VAT1L: variants seen among roughly 807,000 people sequenced by gnomAD.
The protein encoded by VAT1L is putative NADPH-dependent quinone oxidoreductase VAT1L.
VAT1L carries 34 observed loss-of-function variants against 44.1 expected under a neutral mutation model. The ratio of observed to expected loss-of-function variants is 0.77; its 90% CI spans 0.59 to 1.03. The LOEUF is 1.03. Among genes scored for constraint, VAT1L ranks in the 50% least tolerant of loss-of-function variants. VAT1L has a pLI of 0.00. For synonymous variants in VAT1L, 253 were observed against 202.2 expected, an observed-to-expected ratio of 1.25 and a Z score of -2.13; for missense variants, 615 against 538.8, an observed-to-expected ratio of 1.14 and a Z score of -1.40.
At chr16:77,923,377 G>T (rs1469921521) in intron 7 of VAT1L, among the ~76,000 whole-genome samples, 1 of 152,190 alleles carries the variant, frequency 6.6e-6, no homozygotes, top group East Asian at 1.9e-4. Flanking sequence ...TTGAACCCTG[G>T]AGGCAGAGGT....
intron 3 of VAT1L, among the ~76,000 whole-genome samples, chr16:77,841,779 G>A (rs1422184297): frequency 1.3e-5 from 2 of 152,196 alleles, no homozygotes; most frequent in African/African-American, 4.8e-5. Flanking sequence ...GTGGCAAAAT[G>A]CGAGTCTCAA....
intron 6 of VAT1L, among the ~76,000 whole-genome samples, chr16:77,881,781 C>T (rs1454797191): frequency 6.6e-6 from 1 of 152,272 alleles, no homozygotes; most frequent in East Asian, 1.9e-4. Flanking sequence ...AGTGTGTCCC[C>T]TGAAGACAGG....
chr16:77,891,683 A>G (rs933640166), intron 7 of VAT1L, among the ~76,000 whole-genome samples: 9 of 152,248 alleles, frequency 5.9e-5, no homozygotes, highest in Admixed American at 2.6e-4. Context: ...AAACCTGTAC[A>G]GAGATAGACT....
At chr16:77,936,023 G>C (rs1192154521) in intron 7 of VAT1L, among the ~76,000 whole-genome samples, 1 of 152,006 alleles carries the variant, frequency 6.6e-6, no homozygotes, top group African/African-American at 2.4e-5. Context: ...CCTCTTTTGA[G>C]AATCAGTGAT....
At chr16:77,907,150 A>T (rs1426364503) in intron 7 of VAT1L, among the ~76,000 whole-genome samples, 3 of 152,234 alleles carry the variant, frequency 2.0e-5, no homozygotes, top group African/African-American at 7.2e-5. Context: ...AAATACTCCC[A>T]TCGTGACCAA....
At chr16:77,819,287 T>A (rs2016408057) in intron 2 of VAT1L, among the ~76,000 whole-genome samples, 2 of 152,168 alleles carry the variant, frequency 1.3e-5, no homozygotes, top group African/African-American at 4.8e-5. Context: ...GGCTGTGTCT[T>A]TGGGTTTTCG....
chr16:77,837,663 G>C (rs905487035), intron 3 of VAT1L, among the ~76,000 whole-genome samples: 14 of 152,176 alleles, frequency 9.2e-5, no homozygotes, highest in Non-Finnish European at 1.0e-4. Context: ...CCAGATTCTG[G>C]AGTCAGAGCT....
At chr16:77,964,693 A>G (rs2018202605) in intron 7 of VAT1L, among the ~76,000 whole-genome samples, 1 of 149,802 alleles carries the variant, frequency 6.7e-6, no homozygotes, top group Non-Finnish European at 1.5e-5. Flanking sequence ...TGCTTTCCCC[A>G]GGGATCTTGT....
chr16:77,864,467 A>C (rs1341341199), intron 4 of VAT1L, among the ~76,000 whole-genome samples: 1 of 152,082 alleles, frequency 6.6e-6, no homozygotes, highest in Non-Finnish European at 1.5e-5. Context: ...GTAGATGAGC[A>C]TGGTGATGCA....
intron 7 of VAT1L, among the ~76,000 whole-genome samples, chr16:77,957,435 T>C (rs937543020): frequency 6.6e-6 from 1 of 152,146 alleles, no homozygotes; most frequent in Non-Finnish European, 1.5e-5. Flanking sequence ...AAGTTTAAAA[T>C]CTATTTTTTA....
chr16:77,969,005 G>C (rs1251596062), intron 7 of VAT1L, among the ~76,000 whole-genome samples: 1 of 152,020 alleles, frequency 6.6e-6, no homozygotes, highest in African/African-American at 2.4e-5. Context: ...TTTTAGTAGA[G>C]ATGGGGTTTC....
chr16:77,956,517 C>T (rs1156599458), intron 7 of VAT1L, among the ~76,000 whole-genome samples: 2 of 152,198 alleles, frequency 1.3e-5, no homozygotes, highest in Non-Finnish European at 2.9e-5. Context: ...ACGGCCTCCA[C>T]CACCCCATAG....
chr16:77,810,655 G>A (rs1273150482), intron 1 of VAT1L, among the ~76,000 whole-genome samples: 2 of 152,090 alleles, frequency 1.3e-5, no homozygotes, highest in African/African-American at 2.4e-5. Context: ...GGGTGACAGA[G>A]CTAGACTCTA....
intron 2 of VAT1L, among the ~76,000 whole-genome samples, chr16:77,820,464 C>A (rs533163291): frequency 9.9e-5 from 15 of 152,178 alleles, no homozygotes; most frequent in Non-Finnish European, 1.5e-5. Context: ...TCCTCAAGCT[C>A]GAGCTCTGTA....
intron 3 of VAT1L, among the ~76,000 whole-genome samples, chr16:77,828,693 G>T (rs937304360): frequency 1.5e-4 from 23 of 152,140 alleles, no homozygotes; most frequent in Middle Eastern, 3.4e-3. Context: ...AATAAAAAAG[G>T]TGGGAGTGGG....
In VAT1L at chr16:77,969,199, G is replaced by T. The variant is rs989626177; in HGVS notation, c.1078-2651G>T. ...GATATTGTTATCAGCACACTCCCAA[G>T]TCTGGGTCTGTTTAGTAAACATTAT... On this transcript the variant is annotated intron_variant, in intron 7 of 8. Transcript: ENST00000302536. Among the ~76,000 whole-genome samples, 4 of 152,310 alleles carry T rather than the reference G, an allele frequency of 2.6e-5. No individual in the cohort carries two copies. In the East Asian group the frequency reaches 7.7e-4, roughly 29 times the overall value.
intron 7 of VAT1L, among the ~76,000 whole-genome samples, chr16:77,967,138 TGTTA>T (rs2018231806): frequency 6.6e-6 from 1 of 152,004 alleles, no homozygotes. Flanking sequence ...TTTGCCAAGG[TGTTA>T]TATGAGAGCA....
chr16:77,908,406 G>A (rs1003450315), intron 7 of VAT1L, among the ~76,000 whole-genome samples: 2 of 142,240 alleles, frequency 1.4e-5, no homozygotes, highest in Non-Finnish European at 3.0e-5. Flanking sequence ...AGAGGTTGCA[G>A]TGAGCCGAGA....
intron 5 of VAT1L, among the ~76,000 whole-genome samples, chr16:77,878,044 G>C (rs2017108394): frequency 6.6e-6 from 1 of 152,164 alleles, no homozygotes; most frequent in Non-Finnish European, 1.5e-5. Context: ...CCAGTTTCTT[G>C]ATGTCATTTT....
Sources: allele counts gnomAD v4.1 joint callset (sites outside exome capture counted in the v4.1 genomes callset), GRCh38; gene constraint gnomAD v4.1.1; transcripts MANE v1.5; gene names NCBI Gene and HGNC (gene_info 2026-07-23, HGNC 2026-07-21).